Variants in RGS17 observed in about 807,000 individuals in gnomAD.
The protein encoded by RGS17 is regulator of G protein signaling 17, also known as regulator of G-protein signaling 17.
RGS17 carries 12 observed loss-of-function variants against 25.5 expected under a neutral mutation model. The ratio of observed to expected loss-of-function variants is 0.47; its 90% confidence interval spans 0.30 to 0.76. The LOEUF is 0.76. Among genes scored for constraint, RGS17 ranks in the 30% least tolerant of loss-of-function variants. RGS17 has a pLI of 0.07. For missense variants in RGS17, 196 were observed against 242.2 expected (o/e 0.81, Z 1.27); for synonymous variants, 71 against 76.9 (o/e 0.92, Z 0.40).
chr6:153,083,791 G>A (rs934649734), intron 1 of RGS17, among the ~76,000 whole-genome samples: 2 of 152,116 alleles, frequency 1.3e-5, no homozygotes, highest in African/African-American at 4.8e-5. Flanking sequence ...ATTTGTTGAT[G>A]CCACAAATTA....
intron 1 of RGS17, among the ~76,000 whole-genome samples, chr6:153,066,126 G>C (rs1776704164): frequency 6.6e-6 from 1 of 152,106 alleles, no homozygotes; most frequent in Admixed American, 6.6e-5. Context: ...ACATTCAAAG[G>C]ATCATTAGAG....
intron 4 of RGS17, among the ~76,000 whole-genome samples, chr6:153,020,130 ATATATATAT>A (rs1562313017): frequency 6.7e-5 from 6 of 89,354 alleles, no homozygotes; most frequent in African/African-American, 2.8e-4. Flanking sequence ...ATATATATAT[ATATATATAT>A]TTTTTTTTTT....
chr6:153,043,013 G>C (rs1016222378), intron 2 of RGS17, among the ~76,000 whole-genome samples: 1 of 152,080 alleles, frequency 6.6e-6, no homozygotes, highest in African/African-American at 2.4e-5. Flanking sequence ...CAAAATGTAT[G>C]GTTCAAAGGA....
intron 1 of RGS17, among the ~76,000 whole-genome samples, chr6:153,114,675 C>T (rs1382929905): frequency 4.6e-5 from 7 of 152,136 alleles, no homozygotes; most frequent in Non-Finnish European, 8.8e-5. Flanking sequence ...ACGCGAAAAT[C>T]CTCAATAAGA....
At chr6:153,022,718 T>C (rs2129106771) in intron 4 of RGS17, among the ~76,000 whole-genome samples, 1 of 152,278 alleles carries the variant, frequency 6.6e-6, no homozygotes, top group South Asian at 2.1e-4. Flanking sequence ...TTTAAAATAA[T>C]AAAAATTAGC....
intron 1 of RGS17, among the ~76,000 whole-genome samples, chr6:153,126,730 A>G (rs1397229574): frequency 6.6e-6 from 1 of 152,218 alleles, no homozygotes; most frequent in African/African-American, 2.4e-5. Context: ...GGCAAGAACT[A>G]GCTGTTCTAA....
intron 2 of RGS17, among the ~76,000 whole-genome samples, chr6:153,040,393 A>T (rs1225440328): frequency 1.3e-5 from 2 of 152,226 alleles, no homozygotes; most frequent in South Asian, 2.1e-4. Context: ...CTGACAATGA[A>T]ATATGAATGA....
chr6:153,110,411 C>G (rs1442138092), intron 1 of RGS17, among the ~76,000 whole-genome samples: 4 of 139,586 alleles, frequency 2.9e-5, no homozygotes, highest in Admixed American at 1.5e-4. Flanking sequence ...TTGATGGACT[C>G]TTTACTGCCA....
In RGS17 at chr6:153,110,598, A is replaced by G. The variant is rs375672704; in HGVS notation, c.-26+20526T>C. On this transcript the variant is annotated intron_variant, in intron 1 of 4. Coordinates refer to ENST00000206262, the MANE Select transcript of RGS17 (RefSeq NM_012419.5). ...AGTCTCCAAAATTTAAATGGGCACT[A>G]TATTAGTCTGTTTTCACACTGCTAT... 1.0e-3 allele frequency among the ~76,000 whole-genome samples: 154 copies of G among 152,340 alleles called. 2 individuals are homozygous for G. Among genetic ancestry groups the G allele is most frequent in the African/African-American group, 3.6e-3 (149 of 41,584 alleles).
intron 1 of RGS17, among the ~76,000 whole-genome samples, chr6:153,057,547 C>T (rs1332980480): frequency 6.6e-6 from 1 of 152,184 alleles, no homozygotes; most frequent in African/African-American, 2.4e-5. Context: ...CGGTCCCCAA[C>T]TTTTCTGGCA....
rs1484576930 is a variant in RGS17 at position 153,096,100 on chromosome 6, G to A, written c.-26+35024C>T. On this transcript the variant is annotated intron_variant, in intron 1 of 4. Transcript: ENST00000206262. ...CAGCTTTGACAGAGCTTTGAACAAC[G>A]TGCTACTGGAACTCAGAGGAAGGCT... Among the ~76,000 whole-genome samples, 23 of 152,168 alleles carry A rather than the reference G, an allele frequency of 1.5e-4. 1 individual carries two copies. Among genetic ancestry groups the A allele is most frequent in the Non-Finnish European group, 3.2e-4 (22 of 68,034 alleles).
At chr6:153,108,813 G>A (rs1777424174) in intron 1 of RGS17, among the ~76,000 whole-genome samples, 1 of 151,214 alleles carries the variant, frequency 6.6e-6, no homozygotes, top group Non-Finnish European at 1.5e-5. Flanking sequence ...GTGTGCATGT[G>A]TGTGTTTGCG....
chr6:153,124,705 G>A (rs1777680871), intron 1 of RGS17, among the ~76,000 whole-genome samples: 1 of 152,010 alleles, frequency 6.6e-6, no homozygotes, highest in Admixed American at 6.5e-5. Flanking sequence ...TACATTCTCT[G>A]CTTTTAAAGT....
chr6:153,037,529 G>A (rs1369473329), intron 2 of RGS17, among the ~76,000 whole-genome samples: 1 of 151,530 alleles, frequency 6.6e-6, no homozygotes, highest in Non-Finnish European at 1.5e-5. Context: ...AGGTTCAAGC[G>A]ATTCTCCTGC....
intron 2 of RGS17, 29 bp downstream of exon 2, chr6:153,043,871 T>C (rs1391190404): frequency 7.9e-6 from 11 of 1,401,076 alleles, no homozygotes; most frequent in East Asian, 2.4e-5. Context: ...CAAGCCTGGG[T>C]GTGGCATCCT....
At chr6:153,073,207 G>A (rs1487138167) in intron 1 of RGS17, among the ~76,000 whole-genome samples, 1 of 152,176 alleles carries the variant, frequency 6.6e-6, no homozygotes, top group African/African-American at 2.4e-5. Context: ...ATTACCATAA[G>A]GAAATGCATC....
intron 1 of RGS17, among the ~76,000 whole-genome samples, chr6:153,049,638 C>T (rs942003878): frequency 2.0e-5 from 3 of 152,066 alleles, no homozygotes; most frequent in African/African-American, 7.2e-5. Context: ...GTAGTCCCAA[C>T]TACTTGGGAG....
chr6:153,030,612 T>C (rs1779351460), intron 2 of RGS17, among the ~76,000 whole-genome samples: 1 of 152,224 alleles, frequency 6.6e-6, no homozygotes, highest in Admixed American at 6.5e-5. Flanking sequence ...AGCTTCTACC[T>C]CAAAGTTCCT....
At chr6:153,103,034 G>C (rs1777327134) in intron 1 of RGS17, among the ~76,000 whole-genome samples, 1 of 152,164 alleles carries the variant, frequency 6.6e-6, no homozygotes, top group Non-Finnish European at 1.5e-5. Flanking sequence ...TTATAGCTCA[G>C]TGAATAAAGA....
Sources: gnomAD v4.1 joint callset for allele counts (sites outside exome capture counted in the v4.1 genomes callset) on GRCh38, gnomAD v4.1.1 for gene constraint, MANE v1.5 for transcripts, NCBI Gene and HGNC (gene_info 2026-07-23, HGNC 2026-07-21) for gene names.